Variants in MARK4 observed in about 807,000 individuals in gnomAD.
MARK4 encodes the protein MAP/microtubule affinity-regulating kinase 4.
In MARK4, 19 loss-of-function variants were observed where a neutral mutation model predicts 81.5. The observed-to-expected ratio is 0.23, with a 90% CI of 0.16 to 0.34. The LOEUF (loss-of-function observed/expected upper bound fraction) is 0.34. Among genes scored for constraint, MARK4 ranks in the 10% least tolerant of loss-of-function variants. The probability of loss-of-function intolerance (pLI) is 1.00; values close to 1 mark genes in which losing one functional copy is unlikely to be tolerated. For missense variants in MARK4, 772 were observed against 1,058.8 expected, an observed-to-expected ratio of 0.73 and a Z score of 3.76; for synonymous variants, 436 against 439.0, an observed-to-expected ratio of 0.99 and a Z score of 0.08.
At chr19:45,300,216 A>C (rs1018950911) in intron 16 of MARK4, among the ~76,000 whole-genome samples, 5 of 152,026 alleles carry the variant, frequency 3.3e-5, no homozygotes, top group African/African-American at 1.2e-4. Flanking sequence ...GTAGTGGCGC[A>C]TGCCTGTAAT....
chr19:45,275,305 G>A (rs997320112), intron 8 of MARK4, among the ~76,000 whole-genome samples: 3 of 151,938 alleles, frequency 2.0e-5, no homozygotes, highest in Admixed American at 6.6e-5. Flanking sequence ...AACATTTCAA[G>A]ACCACATCTC....
At position 45,287,553 on chromosome 19, in the gene MARK4, C is replaced by T. The variant is rs148301412; in HGVS notation, c.1383C>T (p.Thr461=). 3.1e-4 allele frequency: 495 copies of T among 1,589,908 alleles called. No individual in the cohort carries two copies. In the African/African-American group the frequency reaches 4.7e-3, roughly 15 times the overall value. The change falls in exon 13 of 17, where the codon ACC becomes ACT. Residue 461 remains threonine (T), a synonymous_variant. Coordinates refer to ENST00000262891, the MANE Select transcript of MARK4 (RefSeq NM_001199867.2). The part of the protein sequence containing the change: ...RLPGRKASCS[T]AGSGSRGLPP... ...CAGGCCGGAAGGCGAGCTGCAGCAC[C>T]GCGGGGAGTGGGAGTCGAGGGCTGC...
intron 7 of MARK4, among the ~76,000 whole-genome samples, chr19:45,270,342 C>T (rs1314866734): frequency 2.0e-5 from 3 of 152,128 alleles, no homozygotes; most frequent in African/African-American, 4.8e-5. Flanking sequence ...GAGAGTCTGT[C>T]GTTTCACCTT....
At chr19:45,292,358 G>A (rs1324413128) in intron 13 of MARK4, among the ~76,000 whole-genome samples, 5 of 152,192 alleles carry the variant, frequency 3.3e-5, no homozygotes, top group South Asian at 2.1e-4. Context: ...TTAATGAGCC[G>A]TGTGACCTTG....
intron 12 of MARK4, 115 bp downstream of exon 12, chr19:45,280,849 G>C: frequency 7.1e-7 from 1 of 1,406,098 alleles, no homozygotes; most frequent in South Asian, 1.3e-5. Flanking sequence ...GCTAACCTCA[G>C]AGAGGGAGGA....
chr19:45,300,132 T>C (rs1970948251), intron 16 of MARK4, among the ~76,000 whole-genome samples: 1 of 152,152 alleles, frequency 6.6e-6, no homozygotes, highest in African/African-American at 2.4e-5. Flanking sequence ...GCAGATCACC[T>C]GAGGTCGGGA....
At chr19:45,277,698 A>G (rs553292899) in intron 8 of MARK4, among the ~76,000 whole-genome samples, 1 of 151,836 alleles carries the variant, frequency 6.6e-6, no homozygotes, top group South Asian at 2.1e-4. Flanking sequence ...TGCAGCGTCC[A>G]TATGATGTTC....
rs1599773305 is a variant in MARK4 at position 45,251,432 on chromosome 19, G to T, written c.-157G>T. The T allele has an allele frequency of 5.6e-6, 1 of 179,884 alleles. No individual in the cohort carries two copies. Among genetic ancestry groups the T allele is most frequent in the East Asian group, 2.5e-4 (1 of 3,936 alleles). The allele number at this position is 179,884 out of a possible 1,614,324, so 11.1% of individuals were successfully genotyped here. ...CCCTCGGCGTCCCTTCCCCTCCCCC[G>T]CCCTGCCCCCTCTCCCGCCGCGCGG... On this transcript the variant is annotated 5_prime_UTR_variant, in exon 1 of 17. Coordinates refer to ENST00000262891, the MANE Select transcript of MARK4 (RefSeq NM_001199867.2).
intron 13 of MARK4, among the ~76,000 whole-genome samples, chr19:45,292,913 G>C (rs531369807): frequency 2.6e-5 from 4 of 152,082 alleles, no homozygotes; most frequent in African/African-American, 9.6e-5. Flanking sequence ...GAATAAATCA[G>C]TGAAGGAGAA....
At chr19:45,295,088 G>T (rs573165121) in intron 14 of MARK4, among the ~76,000 whole-genome samples, 1 of 152,108 alleles carries the variant, frequency 6.6e-6, no homozygotes, top group African/African-American at 2.4e-5. Flanking sequence ...AGTGGCTCAT[G>T]CCTGTAATAC....
At chr19:45,266,044 C>T (rs1405311937) in intron 6 of MARK4, among the ~76,000 whole-genome samples, 181 bp from the exon 7 acceptor site, 2 of 151,860 alleles carry the variant, frequency 1.3e-5, no homozygotes. Context: ...CTGGGGGAGA[C>T]GTGTGTCTGC....
chr19:45,283,593 A>G (rs143154341), intron 12 of MARK4, among the ~76,000 whole-genome samples: 12 of 152,308 alleles, frequency 7.9e-5, no homozygotes, highest in African/African-American at 2.2e-4. Flanking sequence ...AGGTTCATCC[A>G]TGATATGGGT....
At chr19:45,256,925 T>C (rs747437898) in intron 1 of MARK4, among the ~76,000 whole-genome samples, 4 of 152,138 alleles carry the variant, frequency 2.6e-5, no homozygotes, top group Admixed American at 2.0e-4. Flanking sequence ...TTATAATAGC[T>C]GTTATGGTGA....
chr19:45,260,267 G>A (rs911280512), intron 2 of MARK4, among the ~76,000 whole-genome samples: 1 of 150,152 alleles, frequency 6.7e-6, no homozygotes, highest in African/African-American at 2.5e-5. Context: ...GCAGGCACCT[G>A]TAATTTCAGC....
chr19:45,300,538 C>G (rs1407488615), intron 16 of MARK4, among the ~76,000 whole-genome samples: 1 of 152,064 alleles, frequency 6.6e-6, no homozygotes, highest in East Asian at 1.9e-4. Flanking sequence ...GCCAGGCACC[C>G]TGTGTCACGC....
chr19:45,264,608 A>G (rs1970426025), intron 4 of MARK4, 76 bp from the exon 5 acceptor site: 3 of 1,417,886 alleles, frequency 2.1e-6, no homozygotes, highest in East Asian at 2.3e-5. Context: ...TGGTTGGCAC[A>G]TTTGCATAGT....
In MARK4 at chr19:45,302,758, C is replaced by T. The variant is rs548249972; in HGVS notation, c.*48C>T. ...TACTCTTCCTCTCCCTTGTCGCCTT[C>T]ACTTCTACAGGAGGGGAAGGGGCCA... On this transcript the variant is annotated 3_prime_UTR_variant, in exon 17 of 17. Transcript: ENST00000262891. This position sits in a 1 kb window ranked among gnomAD's most constrained non-coding sequence, Gnocchi z 4.9. 8 of 1,532,812 alleles carry T rather than the reference C, an allele frequency of 5.2e-6. No homozygotes were observed. Among genetic ancestry groups the T allele is most frequent in the Admixed American group, 4.0e-5 (2 of 50,412 alleles). 95.0% of individuals were successfully genotyped at this position (1,532,812 alleles called of 1,614,324 possible).
Position 45,263,333 on chromosome 19 carries a change from C to G in MARK4, c.321C>G (p.Val107=), listed in dbSNP as rs765809806. 4 of 1,614,194 alleles carry G rather than the reference C, an allele frequency of 2.5e-6. No homozygotes were observed. Among genetic ancestry groups the G allele is most frequent in the Non-Finnish European group, 3.4e-6 (4 of 1,180,020 alleles). ...GCCACGCCCAGCTGTTCCGAGAAGT[C>G]CGCATCATGAAGGGCCTAAACCACC... ...PSSLQKLFRE[V]RIMKGLNHPN... The change falls in exon 4 of 17, where the codon GTC becomes GTG. Residue 107 remains valine (V), a synonymous_variant. Coordinates refer to ENST00000262891, the MANE Select transcript of MARK4 (RefSeq NM_001199867.2).
chr19:45,261,376 C>T (rs1970378635), intron 2 of MARK4, among the ~76,000 whole-genome samples: 1 of 152,292 alleles, frequency 6.6e-6, no homozygotes, highest in East Asian at 1.9e-4. Flanking sequence ...GGCTTTATCT[C>T]AGGAATGCAA....
Sources: allele counts gnomAD v4.1 joint callset (sites outside exome capture counted in the v4.1 genomes callset), GRCh38; gene constraint gnomAD v4.1.1; non-coding constraint Gnocchi (gnomAD v3.1); transcripts MANE v1.5; gene names NCBI Gene and HGNC (gene_info 2026-07-23, HGNC 2026-07-21).